MNAT1: variants seen among roughly 807,000 people sequenced by gnomAD.
MNAT1 encodes CDK-activating kinase assembly factor MAT1.
Under a neutral mutation model 42.0 loss-of-function variants are expected in MNAT1, and 43 were observed. That is an observed-to-expected ratio of 1.02 (90% CI 0.80 to 1.32). The LOEUF is 1.32. Among genes scored for constraint, MNAT1 ranks in the 40% most tolerant of loss-of-function variants. The pLI is 0.00. For synonymous variants in MNAT1, 118 were observed against 120.0 expected (o/e 0.98, Z 0.11); for missense variants, 306 against 350.4 (o/e 0.87, Z 1.01).
chr14:60,772,046 T>A (rs1177328772), intron 1 of MNAT1, among the ~76,000 whole-genome samples: 1 of 152,188 alleles, frequency 6.6e-6, no homozygotes, highest in African/African-American at 2.4e-5. Flanking sequence ...AACACTTGTT[T>A]AGATGAATTA....
chr14:60,803,185 T>G (rs1044038207), intron 3 of MNAT1, among the ~76,000 whole-genome samples: 13 of 152,114 alleles, frequency 8.5e-5, no homozygotes, highest in African/African-American at 3.1e-4. Flanking sequence ...TCCACCCACC[T>G]TGGCCTCCCA....
At chr14:60,824,225 G>A (rs902157493) in intron 6 of MNAT1, among the ~76,000 whole-genome samples, 4 of 151,938 alleles carry the variant, frequency 2.6e-5, no homozygotes, top group African/African-American at 9.7e-5. Flanking sequence ...GCTTTGATTT[G>A]TAATATATGA....
At chr14:60,772,737 T>A (rs1053470353) in intron 1 of MNAT1, among the ~76,000 whole-genome samples, 1 of 152,036 alleles carries the variant, frequency 6.6e-6, no homozygotes, top group Admixed American at 6.6e-5. Context: ...ATCTTATACG[T>A]CTAAAAGTAA....
At chr14:60,820,283 C>T (rs1012683987) in intron 6 of MNAT1, among the ~76,000 whole-genome samples, 2 of 151,964 alleles carry the variant, frequency 1.3e-5, no homozygotes, top group Non-Finnish European at 2.9e-5. Flanking sequence ...GAACGAATGC[C>T]TCAAAACATT....
chr14:60,936,699 C>A (rs369934773), intron 7 of MNAT1, among the ~76,000 whole-genome samples: 3 of 151,950 alleles, frequency 2.0e-5, no homozygotes, highest in Non-Finnish European at 4.4e-5. Context: ...TGTGCATGTG[C>A]CTTTATAGCA....
chr14:60,846,087 C>T (rs767545257), intron 6 of MNAT1, among the ~76,000 whole-genome samples: 13 of 151,658 alleles, frequency 8.6e-5, no homozygotes, highest in Non-Finnish European at 1.5e-4. Context: ...TTTTTCTATC[C>T]CCGTTTCTTT....
chr14:60,902,367 G>T (rs1408110830), intron 7 of MNAT1, among the ~76,000 whole-genome samples: 1 of 152,032 alleles, frequency 6.6e-6, no homozygotes. Flanking sequence ...GATACAACGG[G>T]GTAGAATATT....
intron 6 of MNAT1, among the ~76,000 whole-genome samples, chr14:60,825,170 A>G (rs975829640): frequency 2.0e-5 from 3 of 152,344 alleles, no homozygotes; most frequent in East Asian, 3.8e-4. Context: ...CCTCAGCCTC[A>G]TTAGTGACTG....
chr14:60,734,988 C>T lies in MNAT1; in HGVS notation c.89+37C>T. 1 of 1,597,864 alleles carries T rather than the reference C, an allele frequency of 6.3e-7. No individual in the cohort carries two copies. ...GGCAGTGGATTCCCTGGGGGAGAGA[C>T]GCGCTGGGTGGGAGGAGAGGACCGG... On this transcript the variant is annotated intron_variant, in intron 1 of 7. Coordinates refer to ENST00000261245, the MANE Select transcript of MNAT1 (RefSeq NM_002431.4). This position sits in a 1 kb window ranked among gnomAD's most constrained non-coding sequence, Gnocchi z 4.3.
At chr14:60,869,863 G>T (rs893570029) in intron 6 of MNAT1, among the ~76,000 whole-genome samples, 4 of 151,930 alleles carry the variant, frequency 2.6e-5, no homozygotes, top group Non-Finnish European at 4.4e-5. Context: ...CATTCTAAAT[G>T]TGTGTTTCTA....
chr14:60,897,326 G>A (rs1374214706), intron 7 of MNAT1, among the ~76,000 whole-genome samples: 2 of 151,964 alleles, frequency 1.3e-5, no homozygotes, highest in Admixed American at 6.6e-5. Flanking sequence ...TTATATTTAT[G>A]TAAATATATG....
intron 1 of MNAT1, among the ~76,000 whole-genome samples, chr14:60,758,219 C>G (rs1009889112): frequency 8.5e-6 from 1 of 117,516 alleles, no homozygotes; most frequent in East Asian, 2.4e-4. Flanking sequence ...TTTTTTTTTT[C>G]TTTTTGAGGT....
chr14:60,945,531 GC>G (rs1342187429), intron 7 of MNAT1, among the ~76,000 whole-genome samples: 6 of 152,116 alleles, frequency 3.9e-5, no homozygotes, highest in African/African-American at 1.4e-4. Flanking sequence ...TGAGAGAAGG[GC>G]TTAGGCCACT....
chr14:60,897,055 G>A (rs190036389), intron 7 of MNAT1, among the ~76,000 whole-genome samples: 8 of 151,994 alleles, frequency 5.3e-5, no homozygotes, highest in South Asian at 2.1e-4. Context: ...ATTTATATCC[G>A]CATGATTTTT....
At chr14:60,805,167 G>A (rs1336346253) in intron 3 of MNAT1, among the ~76,000 whole-genome samples, 2 of 151,922 alleles carry the variant, frequency 1.3e-5, no homozygotes, top group Admixed American at 6.6e-5. Context: ...TTTCTCTCAT[G>A]ATAATTCAAC....
intron 6 of MNAT1, among the ~76,000 whole-genome samples, chr14:60,846,804 A>C (rs2033693955): frequency 6.6e-6 from 1 of 152,126 alleles, no homozygotes; most frequent in African/African-American, 2.4e-5. Flanking sequence ...CAAGTACTTG[A>C]AATTTTATTC....
intron 7 of MNAT1, among the ~76,000 whole-genome samples, chr14:60,893,077 T>C (rs555267822): frequency 6.6e-6 from 1 of 152,246 alleles, no homozygotes; most frequent in South Asian, 2.1e-4. Flanking sequence ...TACAATGTTA[T>C]ACCTTTTGAT....
At chr14:60,758,272 T>A (rs774389901) in intron 1 of MNAT1, among the ~76,000 whole-genome samples, 5 of 151,736 alleles carry the variant, frequency 3.3e-5, no homozygotes, top group Non-Finnish European at 7.4e-5. Flanking sequence ...AGTGGCAAGA[T>A]CATGGCTTCT....
chr14:60,793,184 T>C (rs186405276), intron 1 of MNAT1, among the ~76,000 whole-genome samples: 3 of 151,484 alleles, frequency 2.0e-5, no homozygotes, highest in African/African-American at 7.3e-5. Context: ...GTTGGTGTTG[T>C]TGTTGTTGTT....
Sources: gnomAD v4.1 joint callset for allele counts (sites outside exome capture counted in the v4.1 genomes callset) on GRCh38, gnomAD v4.1.1 for gene constraint, Gnocchi (gnomAD v3.1) non-coding constraint, MANE v1.5 for transcripts, NCBI Gene and HGNC (gene_info 2026-07-23, HGNC 2026-07-21) for gene names.